Variants in GPR158 observed in about 807,000 individuals in gnomAD.
GPR158 encodes the protein metabotropic glycine receptor.
In GPR158, 30 loss-of-function variants were observed where a neutral mutation model predicts 78.2. The observed-to-expected ratio is 0.38, with a 90% confidence interval of 0.29 to 0.52. GPR158 has a LOEUF of 0.52. Ranked by LOEUF, GPR158 falls within the 20% of genes least tolerant of loss-of-function variation. The probability of loss-of-function intolerance (pLI) is 0.83; values close to 1 mark genes in which losing one functional copy is unlikely to be tolerated. For synonymous variants in GPR158, 581 were observed against 591.1 expected (o/e 0.98, Z 0.25); for missense variants, 1,463 against 1,523.5 (o/e 0.96, Z 0.66).
intron 4 of GPR158, among the ~76,000 whole-genome samples, chr10:25,413,168 A>G (rs548961617): frequency 6.6e-6 from 1 of 151,730 alleles, no homozygotes; most frequent in South Asian, 2.1e-4. Flanking sequence ...AAAAAAAAAC[A>G]CAAATTTTTA....
intron 1 of GPR158, among the ~76,000 whole-genome samples, chr10:25,213,972 T>C (rs996287446): frequency 2.0e-5 from 3 of 152,210 alleles, no homozygotes; most frequent in African/African-American, 7.2e-5. Flanking sequence ...ATTGTCTCTT[T>C]AATTCTTGAG....
At chr10:25,568,021 A>G in intron 6 of GPR158, among the ~76,000 whole-genome samples, 1 of 152,324 alleles carries the variant, frequency 6.6e-6, no homozygotes, top group East Asian at 1.9e-4. Flanking sequence ...TGGATAAGGG[A>G]GAAAAATCAA....
rs145769424 is a variant in GPR158 at position 25,576,651 on chromosome 10, T to C, written c.1753+3764T>C. ...GCAGGGCATGCGGTTCCTTAGGCAA[T>C]AACCAGGTCTCAGTTAAAGAGGTAC... On this transcript the variant is annotated intron_variant, in intron 7 of 10. Transcript: ENST00000376351. Among the ~76,000 whole-genome samples the C allele has an allele frequency of 3.6e-3, 541 of 152,186 alleles. 5 individuals are homozygous for C. The highest frequency in any genetic ancestry group is 0.012 in the African/African-American group (511 of 41,522).
chr10:25,385,181 T>C (rs1018101882), intron 2 of GPR158, among the ~76,000 whole-genome samples: 2 of 152,144 alleles, frequency 1.3e-5, no homozygotes, highest in African/African-American at 4.8e-5. Flanking sequence ...TGAGTTTATC[T>C]ACTTCAGGTA....
At chr10:25,189,527 A>C (rs779420898) in intron 1 of GPR158, among the ~76,000 whole-genome samples, 2 of 152,168 alleles carry the variant, frequency 1.3e-5, no homozygotes, top group African/African-American at 4.8e-5. Flanking sequence ...TCAGCAAACT[A>C]TCACAAGGAT....
At chr10:25,308,082 A>G (rs145373228) in intron 2 of GPR158, among the ~76,000 whole-genome samples, 3 of 152,332 alleles carry the variant, frequency 2.0e-5, no homozygotes, top group African/African-American at 4.8e-5. Context: ...TATGTTAGGT[A>G]CAAAAGTCTC....
intron 6 of GPR158, among the ~76,000 whole-genome samples, chr10:25,569,398 C>G (rs1836973702): frequency 6.6e-6 from 1 of 152,258 alleles, no homozygotes; most frequent in East Asian, 1.9e-4. Context: ...ACTATTAGCT[C>G]TCTATGAGAT....
chr10:25,329,041 G>A (rs1275606440), intron 2 of GPR158, among the ~76,000 whole-genome samples: 1 of 151,442 alleles, frequency 6.6e-6, no homozygotes, highest in East Asian at 1.9e-4. Context: ...ACTATTCCTA[G>A]CTAACTGGAA....
chr10:25,384,054 A>C (rs993495615), intron 2 of GPR158, among the ~76,000 whole-genome samples: 5 of 152,224 alleles, frequency 3.3e-5, no homozygotes, highest in African/African-American at 7.2e-5. Context: ...TAAACAGTAA[A>C]TATTAACTAT....
At chr10:25,224,729 T>A (rs369543236) in intron 2 of GPR158, among the ~76,000 whole-genome samples, 4 of 152,230 alleles carry the variant, frequency 2.6e-5, no homozygotes, top group Admixed American at 1.3e-4. Flanking sequence ...ATTGAAGTAA[T>A]AAATTGTCAA....
chr10:25,406,612 G>A (rs993608769), intron 3 of GPR158, among the ~76,000 whole-genome samples: 2 of 152,122 alleles, frequency 1.3e-5, no homozygotes, highest in Non-Finnish European at 2.9e-5. Flanking sequence ...CTTATTGGAA[G>A]AAAACAAATA....
intron 6 of GPR158, among the ~76,000 whole-genome samples, chr10:25,567,798 A>G (rs1836951832): frequency 1.3e-5 from 2 of 152,178 alleles, no homozygotes; most frequent in Admixed American, 1.3e-4. Flanking sequence ...ATACGATCAG[A>G]TGCACAATAG....
At chr10:25,549,002 AGTT>A (rs1293026665) in intron 5 of GPR158, among the ~76,000 whole-genome samples, 1 of 152,150 alleles carries the variant, frequency 6.6e-6, no homozygotes, top group Non-Finnish European at 1.5e-5. Context: ...TCTATATTAC[AGTT>A]GTTCACCTTT....
intron 5 of GPR158, among the ~76,000 whole-genome samples, chr10:25,471,677 C>G (rs1835505688): frequency 6.6e-6 from 1 of 152,126 alleles, no homozygotes; most frequent in Non-Finnish European, 1.5e-5. Flanking sequence ...GATGGTATCT[C>G]ATTGTGGTTT....
In GPR158 at chr10:25,211,562, G is replaced by A. The variant is rs747321884; in HGVS notation, c.903-9490G>A. Among the ~76,000 whole-genome samples, 37 of 152,244 alleles carry A rather than the reference G, an allele frequency of 2.4e-4. No homozygotes were observed. The East Asian group carries it at 4.8e-3, about 20-fold the overall frequency. On this transcript the variant is annotated intron_variant, in intron 1 of 10. Coordinates refer to ENST00000376351, the MANE Select transcript of GPR158 (RefSeq NM_020752.3). ...ACCACATTAATCCATTCATGAGGGC[G>A]GAGCCCTTATGACCAGTCACCTCTT...
At chr10:25,567,506 T>A (rs1836945841) in intron 6 of GPR158, among the ~76,000 whole-genome samples, 1 of 152,154 alleles carries the variant, frequency 6.6e-6, no homozygotes, top group Admixed American at 6.5e-5. Context: ...GTTTGGTAAG[T>A]GCTGGTGTCG....
chr10:25,530,521 C>G (rs1463204821), intron 5 of GPR158, among the ~76,000 whole-genome samples: 1 of 152,186 alleles, frequency 6.6e-6, no homozygotes. Context: ...TGCCCCACCT[C>G]CCCGCAGAAG....
chr10:25,359,431 T>G (rs1855599173), intron 2 of GPR158, among the ~76,000 whole-genome samples: 1 of 151,814 alleles, frequency 6.6e-6, no homozygotes, highest in Admixed American at 6.6e-5. Flanking sequence ...CTGACAGGCC[T>G]GAGTATATGA....
chr10:25,504,099 C>G (rs1835980035), intron 5 of GPR158, among the ~76,000 whole-genome samples: 1 of 152,122 alleles, frequency 6.6e-6, no homozygotes, highest in South Asian at 2.1e-4. Flanking sequence ...CCATATCAGC[C>G]AGGCTAGTCT....
Sources: allele counts gnomAD v4.1 joint callset (sites outside exome capture counted in the v4.1 genomes callset), GRCh38; gene constraint gnomAD v4.1.1; transcripts MANE v1.5; gene names NCBI Gene and HGNC (gene_info 2026-07-23, HGNC 2026-07-21).